Variants in AOPEP observed in about 807,000 individuals in gnomAD.
The protein encoded by AOPEP is aminopeptidase O.
A neutral mutation model predicts 98.1 loss-of-function variants in AOPEP; 77 were observed. The ratio of observed to expected loss-of-function variants is 0.78; its 90% CI spans 0.65 to 0.95. The LOEUF is 0.95. Among genes scored for constraint, AOPEP ranks in the 40% least tolerant of loss-of-function variants. The pLI is 0.00. For synonymous variants in AOPEP, 346 were observed against 365.3 expected (o/e 0.95, Z 0.60); for missense variants, 1,024 against 1,024.7 (o/e 1.00, Z 0.01).
chr9:95,008,725 C>T (rs2132816273), intron 13 of AOPEP, among the ~76,000 whole-genome samples: 1 of 152,298 alleles, frequency 6.6e-6, no homozygotes, highest in East Asian at 1.9e-4. Flanking sequence ...GTCATCCCAC[C>T]CACCAGAGAA....
At chr9:94,900,989 G>T (rs1231384257) in intron 5 of AOPEP, 1 of 152,152 alleles carries the variant, frequency 6.6e-6, no homozygotes, top group East Asian at 1.9e-4. Flanking sequence ...CTTTCTCTCA[G>T]ACCCTGGCAA....
rs1353131615 is a variant in AOPEP at position 94,732,931 on chromosome 9, A to G, written c.-136+6180A>G. Among the ~76,000 whole-genome samples the G allele has an allele frequency of 3.3e-5, 5 of 152,146 alleles. No homozygotes were observed. In the East Asian group the frequency reaches 9.6e-4, roughly 29 times the overall value. ...TGTCTGCAATCTTGGCCAAGTCAAGATCCTTCAGTGGTCATGTTTGAGCAA... is the reference window on the plus strand; with the variant it reads ...TGTCTGCAATCTTGGCCAAGTCAAGGTCCTTCAGTGGTCATGTTTGAGCAA... On this transcript the variant is annotated intron_variant, in intron 1 of 16. Transcript: ENST00000375315.
At chr9:94,776,592 G>A (rs1191504170) in intron 3 of AOPEP, among the ~76,000 whole-genome samples, 5 of 152,190 alleles carry the variant, frequency 3.3e-5, no homozygotes, top group African/African-American at 1.2e-4. Context: ...ATGAGCCACT[G>A]CGCCCGACCT....
chr9:94,998,705 G>A (rs2061383342), intron 11 of AOPEP, among the ~76,000 whole-genome samples: 1 of 152,192 alleles, frequency 6.6e-6, no homozygotes, highest in African/African-American at 2.4e-5. Flanking sequence ...GTTTCCTGAG[G>A]ACAGGGACAA....
chr9:94,821,162 A>G (rs1253136621), intron 5 of AOPEP, among the ~76,000 whole-genome samples: 1 of 55,920 alleles, frequency 1.8e-5, no homozygotes, highest in African/African-American at 3.6e-5. Context: ...AGTATTATTT[A>G]TGCTTTTTTG....
chr9:94,861,856 CTGA>C (rs1235508750), intron 5 of AOPEP, among the ~76,000 whole-genome samples: 1 of 152,214 alleles, frequency 6.6e-6, no homozygotes, highest in East Asian at 1.9e-4. Context: ...ACCTGCTCTT[CTGA>C]AGCACGTTCT....
At chr9:95,107,783 C>T in the AOPEP span, among the ~76,000 whole-genome samples, 12 of 152,170 alleles carry the variant, frequency 7.9e-5, no homozygotes, top group Non-Finnish European at 1.3e-4. Context: ...CGGTCATACA[C>T]ACATGCATGC....
chr9:95,018,949 G>T (rs1245826790), intron 13 of AOPEP: 2 of 152,172 alleles, frequency 1.3e-5, no homozygotes, highest in African/African-American at 4.8e-5. Flanking sequence ...TTACGTGATG[G>T]CATGTGGATA....
downstream of AOPEP, among the ~76,000 whole-genome samples, chr9:95,091,967 T>A (rs1057153310): frequency 6.6e-5 from 10 of 151,898 alleles, no homozygotes; most frequent in Admixed American, 5.9e-4. Context: ...GGTTCTCACA[T>A]AGATCCAGAA....
At chr9:94,876,134 G>T (rs1672454957) in intron 5 of AOPEP, among the ~76,000 whole-genome samples, 1 of 152,178 alleles carries the variant, frequency 6.6e-6, no homozygotes, top group Non-Finnish European at 1.5e-5. Context: ...CTTGTTCAGG[G>T]TCTGATGGTG....
intron 13 of AOPEP, chr9:95,021,773 C>G (rs749153820): frequency 6.6e-6 from 1 of 152,244 alleles, no homozygotes; most frequent in African/African-American, 2.4e-5. Context: ...GATTCACGGT[C>G]TGACCGACGC....
intron 5 of AOPEP, among the ~76,000 whole-genome samples, chr9:94,853,549 T>G (rs968109364): frequency 1.3e-5 from 2 of 152,180 alleles, no homozygotes; most frequent in Non-Finnish European, 2.9e-5. Context: ...CATGAAGTCA[T>G]GAAGCTTTTC....
intron 5 of AOPEP, among the ~76,000 whole-genome samples, chr9:94,812,088 G>A (rs1417858922): frequency 1.3e-5 from 2 of 152,198 alleles, no homozygotes; most frequent in African/African-American, 2.4e-5. Flanking sequence ...ATTAGATCAT[G>A]AGGCTTGGAT....
In AOPEP at chr9:95,005,224, A is replaced by C; in HGVS notation, c.2040+4A>C. 9.1e-7 allele frequency: 1 copy of C among 1,102,342 alleles called. No homozygotes were observed. Among genetic ancestry groups the C allele is most frequent in the Non-Finnish European group, 1.1e-6 (1 of 906,120 alleles). 68.3% of individuals were successfully genotyped at this position (1,102,342 alleles called of 1,614,324 possible). On this transcript the variant is annotated splice_donor_region_variant and intron_variant, in intron 12 of 16. Transcript: ENST00000375315. ...TGCGCGGCAAGTGCGCGCCGAGGTG[A>C]GTGCGGGCGGCGCGGTCCCTGCGCC... is the stretch of plus-strand genomic sequence containing the variant.
At chr9:95,045,432 TCCTTGTGTTAGGTGTGCTC>T (rs2065769317) in intron 13 of AOPEP, among the ~76,000 whole-genome samples, 3 of 152,250 alleles carry the variant, frequency 2.0e-5, no homozygotes, top group African/African-American at 7.2e-5. Context: ...TGTTAAAACC[TCCTTGTGTTAGGTGTGCTC>T]CCAGCTTTGG....
chr9:95,062,113 A>T (rs59230361), intron 14 of AOPEP, among the ~76,000 whole-genome samples: 10 of 152,298 alleles, frequency 6.6e-5, no homozygotes, highest in African/African-American at 2.4e-4. Flanking sequence ...CGTTTAGCAT[A>T]AAACATGTCC....
At chr9:94,901,427 TA>T (rs1449252452) in intron 5 of AOPEP, among the ~76,000 whole-genome samples, 2 of 151,990 alleles carry the variant, frequency 1.3e-5, no homozygotes, top group Non-Finnish European at 2.9e-5. Flanking sequence ...CCCTGACACC[TA>T]GCCCAAGTTT....
At chr9:94,921,115 A>G (rs1018938785) in intron 5 of AOPEP, 1 of 152,040 alleles carries the variant, frequency 6.6e-6, no homozygotes, top group Admixed American at 6.5e-5. Flanking sequence ...TAGGATGAAG[A>G]TGTCATTGAA....
chr9:95,051,878 T>C (rs1261057534), intron 13 of AOPEP, among the ~76,000 whole-genome samples: 1 of 152,128 alleles, frequency 6.6e-6, no homozygotes, highest in African/African-American at 2.4e-5. Context: ...TCATTTTTTG[T>C]ATTTTTAGTA....
Sources: gnomAD v4.1 joint callset for allele counts (sites outside exome capture counted in the v4.1 genomes callset) on GRCh38, gnomAD v4.1.1 for gene constraint, MANE v1.5 for transcripts, NCBI Gene and HGNC (gene_info 2026-07-23, HGNC 2026-07-21) for gene names.